Variants in LRBA observed in about 807,000 individuals in gnomAD.
LRBA encodes lipopolysaccharide-responsive and beige-like anchor protein.
LRBA carries 176 observed loss-of-function variants against 330.0 expected under a neutral mutation model. That is an observed-to-expected ratio of 0.53 (90% CI 0.47 to 0.60). The LOEUF (loss-of-function observed/expected upper bound fraction) is 0.60, where lower values mean the gene tolerates loss of function less well. LRBA is among the 20% of genes least tolerant of loss of function. LRBA has a pLI of 0.00. For synonymous variants in LRBA, 1,230 were observed against 1,193.0 expected, an observed-to-expected ratio of 1.03 and a Z score of -0.64; for missense variants, 3,259 against 3,444.8, an observed-to-expected ratio of 0.95 and a Z score of 1.35.
chr4:150,903,250 T>G (rs1730955978), intron 13 of LRBA, among the ~76,000 whole-genome samples: 1 of 152,010 alleles, frequency 6.6e-6, no homozygotes, highest in Non-Finnish European at 1.5e-5. Flanking sequence ...CTGGGAATGG[T>G]GGCGCACACC....
At chr4:150,836,370 G>A (rs1347789253) in intron 28 of LRBA, among the ~76,000 whole-genome samples, 6 of 152,162 alleles carry the variant, frequency 3.9e-5, no homozygotes, top group Admixed American at 3.3e-4. Context: ...AGTTTCAGAA[G>A]GAATGGTACC....
At chr4:150,387,811 A>AGT (rs1743315408) in intron 47 of LRBA, among the ~76,000 whole-genome samples, 1 of 152,218 alleles carries the variant, frequency 6.6e-6, no homozygotes, top group African/African-American at 2.4e-5. Flanking sequence ...GTTAAGAAGC[A>AGT]GATACTTCAA....
At chr4:150,837,709 G>A (rs1023809897) in intron 28 of LRBA, among the ~76,000 whole-genome samples, 1 of 152,142 alleles carries the variant, frequency 6.6e-6, no homozygotes, top group African/African-American at 2.4e-5. Context: ...TGGGTCTCCT[G>A]AATACAGCAC....
At chr4:150,269,343 CAT>C (rs761366210) in intron 56 of LRBA, among the ~76,000 whole-genome samples, 1 of 152,178 alleles carries the variant, frequency 6.6e-6, no homozygotes, top group Non-Finnish European at 1.5e-5. Flanking sequence ...TAATCCCTCA[CAT>C]ATGTGCTCAA....
intron 13 of LRBA, among the ~76,000 whole-genome samples, chr4:150,904,528 T>C (rs1305033762): frequency 6.6e-6 from 1 of 152,132 alleles, no homozygotes; most frequent in East Asian, 1.9e-4. Flanking sequence ...AATCATAAGA[T>C]GAATTTTTTT....
At chr4:150,746,472 T>C (rs1390430570) in intron 35 of LRBA, among the ~76,000 whole-genome samples, 1 of 151,984 alleles carries the variant, frequency 6.6e-6, no homozygotes, top group Non-Finnish European at 1.5e-5. Flanking sequence ...CTGCCCATTC[T>C]ACCTCTGCAA....
chr4:150,386,484 T>C (rs1413419062), intron 47 of LRBA, among the ~76,000 whole-genome samples: 1 of 144,756 alleles, frequency 6.9e-6, no homozygotes, highest in Non-Finnish European at 1.5e-5. Context: ...GTTCTCATCA[T>C]TCAGCTTCCA....
chr4:150,540,363 T>C (rs1049306840), intron 40 of LRBA, among the ~76,000 whole-genome samples: 1 of 152,132 alleles, frequency 6.6e-6, no homozygotes, highest in Non-Finnish European at 1.5e-5. Context: ...CCCGGCTAAT[T>C]TTTGTATTTT....
intron 37 of LRBA, among the ~76,000 whole-genome samples, chr4:150,627,829 G>C (rs1323794423): frequency 1.3e-5 from 2 of 151,914 alleles, no homozygotes; most frequent in African/African-American, 4.8e-5. Flanking sequence ...AGAATTCTAA[G>C]GAATAAAACA....
At chr4:150,897,013 C>T (rs753012934) in intron 15 of LRBA, among the ~76,000 whole-genome samples, 5 of 146,896 alleles carry the variant, frequency 3.4e-5, no homozygotes, top group Non-Finnish European at 6.0e-5. Context: ...AAAAACACCA[C>T]AAGAAGAAAA....
At chr4:150,360,196 T>C (rs1376434253) in intron 47 of LRBA, among the ~76,000 whole-genome samples, 1 of 152,044 alleles carries the variant, frequency 6.6e-6, no homozygotes, top group Non-Finnish European at 1.5e-5. Flanking sequence ...TCTCGCTGTG[T>C]TGCCCAGGCC....
chr4:150,396,157 C>T lies in LRBA; in HGVS notation c.7194+19281G>A, dbSNP rs115553151. ...AGGTATCATCCAATCCAATGAGTAC[C>T]AGAACAGAATAAAAAAGCAGAAGGA... On this transcript the variant is annotated intron_variant, in intron 47 of 56. Transcript: ENST00000651943. Among the ~76,000 whole-genome samples, 512 of 152,220 alleles carry T rather than the reference C, an allele frequency of 3.4e-3. 4 individuals carry two copies. Among genetic ancestry groups the T allele is most frequent in the Non-Finnish European group, 4.4e-3 (296 of 68,016 alleles).
intron 2 of LRBA, among the ~76,000 whole-genome samples, chr4:150,973,085 A>G (rs1739751489): frequency 6.6e-6 from 1 of 152,236 alleles, no homozygotes; most frequent in Non-Finnish European, 1.5e-5. Flanking sequence ...CAGGAGTTCA[A>G]GACCAGCCTG....
intron 40 of LRBA, among the ~76,000 whole-genome samples, chr4:150,578,595 A>C (rs1268510997): frequency 6.6e-6 from 1 of 152,230 alleles, no homozygotes; most frequent in African/African-American, 2.4e-5. Flanking sequence ...CTATAAAACT[A>C]GTACCGTAAT....
chr4:150,584,611 T>G (rs964185689), intron 40 of LRBA: 5 of 167,312 alleles, frequency 3.0e-5, no homozygotes, highest in African/African-American at 1.2e-4. Context: ...TGTCAGACTG[T>G]GCTCCTCCCT....
At chr4:150,577,187 C>T (rs1455645894) in intron 40 of LRBA, among the ~76,000 whole-genome samples, 2 of 152,012 alleles carry the variant, frequency 1.3e-5, no homozygotes, top group South Asian at 2.1e-4. Flanking sequence ...TTTACTGTGA[C>T]TTATAATGTG....
chr4:150,354,426 G>A (rs1272361670), intron 47 of LRBA, among the ~76,000 whole-genome samples: 1 of 152,040 alleles, frequency 6.6e-6, no homozygotes, highest in Non-Finnish European at 1.5e-5. Flanking sequence ...TTCCCATGCT[G>A]CTCTCAAACC....
chr4:150,836,554 T>A (rs977799857), intron 28 of LRBA, among the ~76,000 whole-genome samples: 2 of 152,222 alleles, frequency 1.3e-5, no homozygotes, highest in Non-Finnish European at 2.9e-5. Context: ...ATTTATCCAT[T>A]TCTTCTAGAT....
At chr4:150,924,394 T>A (rs1303615537) in intron 4 of LRBA, among the ~76,000 whole-genome samples, 1 of 152,038 alleles carries the variant, frequency 6.6e-6, no homozygotes, top group Non-Finnish European at 1.5e-5. Flanking sequence ...GTGCCTGTGG[T>A]CCCAGCTGCT....
Sources: allele counts gnomAD v4.1 joint callset (sites outside exome capture counted in the v4.1 genomes callset), GRCh38; gene constraint gnomAD v4.1.1; transcripts MANE v1.5; gene names NCBI Gene and HGNC (gene_info 2026-07-23, HGNC 2026-07-21).